The following FHOD3 variants were observed in gnomAD, a reference collection of about 807,000 sequenced individuals.
FHOD3 encodes formin homology 2 domain containing 3.
A neutral mutation model predicts 173.0 loss-of-function variants in FHOD3; 90 were observed. That is an observed-to-expected ratio of 0.52 (90% confidence interval 0.44 to 0.62). The LOEUF (loss-of-function observed/expected upper bound fraction) is 0.62. FHOD3 is among the 20% of genes least tolerant of loss of function. The pLI, the probability that FHOD3 is intolerant of heterozygous loss-of-function variation, is 0.00. For synonymous variants in FHOD3, 828 were observed against 823.0 expected (o/e 1.01, Z -0.10); for missense variants, 1,945 against 2,034.7 (o/e 0.96, Z 0.85).
chr18:36,349,857 C>G (rs183428578), intron 1 of FHOD3, among the ~76,000 whole-genome samples: 2 of 152,228 alleles, frequency 1.3e-5, no homozygotes. Flanking sequence ...CCTCTGCCTC[C>G]CTGGTTCAAA....
chr18:36,716,749 TC>T (rs892978715), intron 18 of FHOD3, among the ~76,000 whole-genome samples: 1 of 152,030 alleles, frequency 6.6e-6, no homozygotes, highest in African/African-American at 2.4e-5. Flanking sequence ...GAGCAATAGC[TC>T]CCTTTGACTG....
At chr18:36,737,306 T>G (rs2041684820) in intron 20 of FHOD3, among the ~76,000 whole-genome samples, 1 of 152,184 alleles carries the variant, frequency 6.6e-6, no homozygotes, top group African/African-American at 2.4e-5. Flanking sequence ...AGTTTTTCAT[T>G]TTGGAATTTT....
At chr18:36,605,019 A>G (rs972469551) in intron 8 of FHOD3, among the ~76,000 whole-genome samples, 17 of 152,352 alleles carry the variant, frequency 1.1e-4, no homozygotes, top group Non-Finnish European at 2.4e-4. Flanking sequence ...TCATTTCTTG[A>G]TGAACACCCA....
chr18:36,652,856 C>A lies in FHOD3; in HGVS notation c.1573C>A (p.Leu525Ile). The A allele has an allele frequency of 6.5e-7, 1 of 1,536,010 alleles. No individual in the cohort carries two copies. Among genetic ancestry groups the A allele is most frequent in the Non-Finnish European group, 8.7e-7 (1 of 1,146,742 alleles). ...LPYVPHSPFH[L>I]FSYDFEDSSL... ...CTACGTGCCCCACAGCCCCTTCCAC[C>A]TCTTCTCCTATGACTTTGAGGACTC... Residue 525 changes from leucine to isoleucine, a missense_variant, in exon 12 of 29, where the codon CTC becomes ATC. By Grantham distance (5) the Leu-to-Ile change is conservative. Transcript: ENST00000590592.
At chr18:36,425,923 C>T (rs1415332083) in intron 3 of FHOD3, among the ~76,000 whole-genome samples, 3 of 147,528 alleles carry the variant, frequency 2.0e-5, no homozygotes, top group South Asian at 2.1e-4. Flanking sequence ...TTTTTCGAGA[C>T]GAAATCTTGC....
At chr18:36,506,917 C>T (rs1404173911) in intron 4 of FHOD3, among the ~76,000 whole-genome samples, 1 of 152,208 alleles carries the variant, frequency 6.6e-6, no homozygotes, top group East Asian at 1.9e-4. Flanking sequence ...CTTCTGGACC[C>T]TCAACTACTT....
chr18:36,334,583 T>C (rs1386905974), intron 1 of FHOD3, among the ~76,000 whole-genome samples: 1 of 152,198 alleles, frequency 6.6e-6, no homozygotes, highest in Non-Finnish European at 1.5e-5. Flanking sequence ...AGAATATTAA[T>C]GAGGTAGGTC....
At chr18:36,676,657 T>C (rs1047915707) in intron 14 of FHOD3, among the ~76,000 whole-genome samples, 1 of 152,228 alleles carries the variant, frequency 6.6e-6, no homozygotes, top group African/African-American at 2.4e-5. Context: ...GTATGAGTTA[T>C]TCTGTGCCAA....
chr18:36,443,753 T>G (rs2051290135), intron 3 of FHOD3, among the ~76,000 whole-genome samples: 1 of 152,182 alleles, frequency 6.6e-6, no homozygotes, highest in Admixed American at 6.5e-5. Flanking sequence ...TATATGCATA[T>G]TTACTTTCCT....
intron 1 of FHOD3, among the ~76,000 whole-genome samples, chr18:36,319,888 T>A (rs545777877): frequency 3.7e-4 from 56 of 152,180 alleles, no homozygotes; most frequent in African/African-American, 1.3e-3. Context: ...GAATGACAAC[T>A]GGGTAAATAA....
intron 17 of FHOD3, among the ~76,000 whole-genome samples, chr18:36,696,914 T>C (rs77228976): frequency 0.019 from 2,832 of 152,320 alleles, 84 homozygotes; most frequent in African/African-American, 0.065. Flanking sequence ...CTTTTCCTTA[T>C]TTTCACTGAT....
chr18:36,596,913 A>G (rs1177235245), intron 7 of FHOD3, among the ~76,000 whole-genome samples: 1 of 152,212 alleles, frequency 6.6e-6, no homozygotes, highest in African/African-American at 2.4e-5. Context: ...AGCATTTCCA[A>G]GGCCAGTCAA....
chr18:36,462,876 T>C (rs564795737), intron 3 of FHOD3, among the ~76,000 whole-genome samples: 19 of 152,330 alleles, frequency 1.2e-4, no homozygotes, highest in African/African-American at 4.6e-4. Context: ...TCTGACTGCC[T>C]TGACCTCCCA....
At chr18:36,495,428 G>A (rs2054694892) in intron 3 of FHOD3, among the ~76,000 whole-genome samples, 1 of 152,084 alleles carries the variant, frequency 6.6e-6, no homozygotes. Flanking sequence ...TGTGTTCATG[G>A]CCAAGGTGAG....
At chr18:36,384,703 C>T (rs1018206784) in intron 3 of FHOD3, among the ~76,000 whole-genome samples, 1 of 152,108 alleles carries the variant, frequency 6.6e-6, no homozygotes, top group Admixed American at 6.5e-5. Context: ...GTTTTAGAAT[C>T]AGACAAACTG....
At chr18:36,423,098 C>T (rs995324881) in intron 3 of FHOD3, among the ~76,000 whole-genome samples, 13 of 67,104 alleles carry the variant, frequency 1.9e-4, no homozygotes, top group Non-Finnish European at 2.6e-4. Flanking sequence ...CTTGATTCCT[C>T]CCCGGCCCTC....
At chr18:36,342,416 A>G (rs1205930864) in intron 1 of FHOD3, among the ~76,000 whole-genome samples, 6 of 152,206 alleles carry the variant, frequency 3.9e-5, no homozygotes, top group African/African-American at 1.4e-4. Flanking sequence ...CAAGCACATT[A>G]TATTAAAACT....
intron 3 of FHOD3, among the ~76,000 whole-genome samples, chr18:36,408,068 T>A (rs1268928228): frequency 6.6e-6 from 1 of 152,202 alleles, no homozygotes; most frequent in Non-Finnish European, 1.5e-5. Context: ...CCTGTGCCCC[T>A]GAGACCGCCT....
At chr18:36,559,387 C>T (rs2058010894) in intron 5 of FHOD3, among the ~76,000 whole-genome samples, 1 of 152,150 alleles carries the variant, frequency 6.6e-6, no homozygotes, top group African/African-American at 2.4e-5. Flanking sequence ...CATCAGTCCT[C>T]CTCCACTCAG....
Sources: allele counts gnomAD v4.1 joint callset (sites outside exome capture counted in the v4.1 genomes callset), GRCh38; gene constraint gnomAD v4.1.1; transcripts MANE v1.5; gene names NCBI Gene and HGNC (gene_info 2026-07-23, HGNC 2026-07-21).